Variants in UVSSA observed in about 807,000 individuals in gnomAD.
UVSSA encodes UV-stimulated scaffold protein A.
UVSSA carries 72 observed loss-of-function variants against 73.9 expected under a neutral mutation model. The ratio of observed to expected loss-of-function variants is 0.97; its 90% CI spans 0.81 to 1.19. The LOEUF is 1.19. Among genes scored for constraint, UVSSA ranks in the 50% most tolerant of loss-of-function variants. The pLI is 0.00. For missense variants in UVSSA, 1,150 were observed against 965.0 expected, an observed-to-expected ratio of 1.19 and a Z score of -2.54; for synonymous variants, 454 against 391.3, an observed-to-expected ratio of 1.16 and a Z score of -1.89.
chr4:1,349,673 TC>T lies in UVSSA; in HGVS notation c.250del (p.Gln84ArgfsTer26), dbSNP rs1714371493. ...TTCCGGATGCTGGTTGTTTCCAACT[TC>T]CAGGAGTTCCTGGAGCTCACGCTGG... ...HQFRMLVVSN[F>X]QEFLELTLGT... On this transcript the variant is annotated frameshift_variant, in exon 3 of 14. Transcript: ENST00000389851. LOFTEE classifies it high-confidence loss of function. The T allele has an allele frequency of 6.2e-7, 1 of 1,613,802 alleles. No individual in the cohort carries two copies. The highest frequency in any genetic ancestry group is 1.1e-5 in the South Asian group (1 of 91,084).
chr4:1,350,341 C>T (rs1053921733), intron 3 of UVSSA, among the ~76,000 whole-genome samples: 5 of 152,142 alleles, frequency 3.3e-5, no homozygotes, highest in South Asian at 2.1e-4. Context: ...CAGACCCTAC[C>T]GTGCCCCTTA....
chr4:1,353,998 A>G (rs867203016), intron 5 of UVSSA, among the ~76,000 whole-genome samples: 2 of 152,130 alleles, frequency 1.3e-5, no homozygotes, highest in African/African-American at 2.4e-5. Context: ...CTGGGGTGTG[A>G]GTGGAGGCTG....
chr4:1,343,799 G>GT (rs952673500), upstream of UVSSA, among the ~76,000 whole-genome samples: 55 of 152,082 alleles, frequency 3.6e-4, no homozygotes, highest in Middle Eastern at 3.4e-3. Context: ...AAAAAAAAAA[G>GT]TATTTATAGA....
intron 4 of UVSSA, among the ~76,000 whole-genome samples, chr4:1,352,325 C>G (rs938429854): frequency 1.3e-5 from 2 of 152,238 alleles, no homozygotes; most frequent in African/African-American, 4.8e-5. Flanking sequence ...TGTCTTCAGA[C>G]TACATGTACC....
chr4:1,392,468 A>T (rs991498234), downstream of UVSSA: 1 of 152,236 alleles, frequency 6.6e-6, no homozygotes, highest in Admixed American at 6.5e-5. Context: ...CAGATCTTCT[A>T]GCAATGAATT....
At position 1,380,163 on chromosome 4, in the gene UVSSA, C is replaced by G. The variant is rs1342261112; in HGVS notation, c.1685C>G (p.Pro562Arg). Residue 562 changes from proline (P) to arginine (R), a missense_variant, in exon 11 of 14, where the codon CCT becomes CGT. Coordinates refer to ENST00000389851, the MANE Select transcript of UVSSA (RefSeq NM_020894.4). Reference protein sequence around the residue: ...RHITFAGKFEPVQHWCRAPRP... With the variant: ...RHITFAGKFERVQHWCRAPRP... ...ATCACTTTTGCCGGGAAGTTTGAGC[C>G]TGTGCAGCACTGGTGCCGTGCCCCG... 3.1e-6 allele frequency: 5 copies of G among 1,613,080 alleles called. No homozygotes were observed. In the African/African-American group the frequency reaches 5.3e-5, roughly 17 times the overall value.
intron 8 of UVSSA, among the ~76,000 whole-genome samples, chr4:1,371,013 A>G (rs1560466029): frequency 6.6e-6 from 1 of 152,094 alleles, no homozygotes; most frequent in Non-Finnish European, 1.5e-5. Flanking sequence ...ATGCCTCCTC[A>G]TTCTCCTCCC....
intron 9 of UVSSA, 137 bp from the exon 10 acceptor site, chr4:1,375,897 G>C: frequency 1.5e-6 from 2 of 1,363,248 alleles, no homozygotes; most frequent in Non-Finnish European, 2.0e-6. Context: ...CTGAGGCCCA[G>C]GCGTCGTGTG....
intron 8 of UVSSA, among the ~76,000 whole-genome samples, chr4:1,368,887 C>G (rs1161515865): frequency 2.0e-5 from 3 of 152,262 alleles, no homozygotes; most frequent in Non-Finnish European, 4.4e-5. Context: ...CAGGTCCCCA[C>G]AGCGCCCTCC....
chr4:1,373,066 T>C (rs1265476643), intron 8 of UVSSA, among the ~76,000 whole-genome samples: 2 of 152,252 alleles, frequency 1.3e-5, no homozygotes, highest in Non-Finnish European at 2.9e-5. Flanking sequence ...GAAATGACCT[T>C]TTAGCTGGCT....
chr4:1,355,341 C>G, intron 7 of UVSSA, 96 bp downstream of exon 7: 1 of 1,271,390 alleles, frequency 7.9e-7, no homozygotes, highest in Non-Finnish European at 1.1e-6. Flanking sequence ...GTGGGCCCGG[C>G]GGACCCCAGC....
At chr4:1,379,095 G>C (rs1577370125) in intron 10 of UVSSA, among the ~76,000 whole-genome samples, 1 of 152,224 alleles carries the variant, frequency 6.6e-6, no homozygotes, top group Non-Finnish European at 1.5e-5. Flanking sequence ...GCTGGGCTCT[G>C]CTCCTCCAGC....
intron 13 of UVSSA, chr4:1,385,304 G>C (rs569058118): frequency 1.3e-5 from 2 of 156,200 alleles, no homozygotes; most frequent in South Asian, 4.0e-4. Context: ...TCACCACATT[G>C]TGGCCTCAGG....
At chr4:1,343,014 G>A (rs1474593472), upstream of UVSSA, among the ~76,000 whole-genome samples, 1 of 152,132 alleles carries the variant, frequency 6.6e-6, no homozygotes, top group East Asian at 1.9e-4. Context: ...ATCAGTGTCT[G>A]CTGAACACTG....
chr4:1,380,521 G>C (rs1383371713), intron 11 of UVSSA: 1 of 965,268 alleles, frequency 1.0e-6, no homozygotes, highest in Non-Finnish European at 1.5e-6. Context: ...GCCCGGGTCT[G>C]TGCTGGGCCT....
At chr4:1,380,301 C>T in intron 11 of UVSSA, 71 bp downstream of exon 11, 1 of 1,510,108 alleles carries the variant, frequency 6.6e-7, no homozygotes, top group East Asian at 2.3e-5. Context: ...GGGTGCTGAG[C>T]CCCACCTGCC....
rs145226401 is a variant in UVSSA at position 1,395,166 on chromosome 4, C to T, written c.*9205C>T. On this transcript the variant is annotated 3_prime_UTR_variant, in exon 14 of 14. Transcript: ENST00000511216. ...CTCACACGTGCCCATGTGGAGTGTT[C>T]GCCTGCTCACACGTGCCGATGCGGA... 303 of 1,377,998 alleles carry T rather than the reference C, an allele frequency of 2.2e-4. 88 individuals carry two copies. Among genetic ancestry groups the T allele is most frequent in the Admixed American group, 5.2e-4 (27 of 51,442 alleles). 85.4% of individuals were successfully genotyped at this position (1,377,998 alleles called of 1,614,324 possible). A position where few individuals can be genotyped will look rare whatever the true frequency, so the allele number is the denominator to read the frequency against.
At chr4:1,381,154 C>T (rs1719450868) in intron 12 of UVSSA, among the ~76,000 whole-genome samples, 166 bp downstream of exon 12, 1 of 152,138 alleles carries the variant, frequency 6.6e-6, no homozygotes, top group African/African-American at 2.4e-5. Flanking sequence ...GGGATGCTGC[C>T]CTGAGGGTCC....
chr4:1,353,511 G>A, intron 5 of UVSSA, 98 bp downstream of exon 5: 1 of 1,408,996 alleles, frequency 7.1e-7, no homozygotes, highest in Non-Finnish European at 9.3e-7. Context: ...TGGGGATGCA[G>A]GGGCCTCCCC....
Sources: gnomAD v4.1 joint callset for allele counts (sites outside exome capture counted in the v4.1 genomes callset) on GRCh38, gnomAD v4.1.1 for gene constraint, MANE v1.5 for transcripts, NCBI Gene and HGNC (gene_info 2026-07-23, HGNC 2026-07-21) for gene names.